Variants in MSMO1 observed in about 807,000 individuals in gnomAD.
The protein encoded by MSMO1 is C-4 methylsterol oxidase.
A neutral mutation model predicts 30.4 loss-of-function variants in MSMO1; 18 were observed. The ratio of observed to expected loss-of-function variants is 0.59; its 90% CI spans 0.41 to 0.88. MSMO1 has a LOEUF of 0.88. Among genes scored for constraint, MSMO1 ranks in the 40% least tolerant of loss-of-function variants. The pLI, the probability that MSMO1 is intolerant of heterozygous loss-of-function variation, is 0.00. For missense variants in MSMO1, 284 were observed against 340.5 expected (o/e 0.83, Z 1.31); for synonymous variants, 84 against 107.9 (o/e 0.78, Z 1.37).
chr4:165,341,955 C>G lies in MSMO1; in HGVS notation c.*9C>G, dbSNP rs777239386. ...AGAAAAAGACTGAATAAATATCTCA[C>G]GTAAACCTTCCTGAAAGATAAACGT... On this transcript the variant is annotated 3_prime_UTR_variant, in exon 6 of 6. Coordinates refer to ENST00000261507, the MANE Select transcript of MSMO1 (RefSeq NM_006745.5). 6.3e-7 allele frequency: 1 copy of G among 1,593,398 alleles called. No homozygotes were observed. Among genetic ancestry groups the G allele is most frequent in the Non-Finnish European group, 8.6e-7 (1 of 1,162,832 alleles).
rs1163551639 is a variant in MSMO1, at chr4:165,337,941, C to T, written c.404+4C>T. On this transcript the variant is annotated splice_donor_region_variant and intron_variant, in intron 3 of 5. Transcript: ENST00000261507. ...ATTGGGAAAGAATGCCAAGATGGTA[C>T]GTAGATAAAAATTTGGCTTTTACAC... is the stretch of plus-strand genomic sequence containing the variant. 3.7e-6 allele frequency: 6 copies of T among 1,612,712 alleles called. No homozygotes were observed. The highest frequency in any genetic ancestry group is 4.5e-5 in the East Asian group (2 of 44,756).
At chr4:165,340,404 A>G (rs1400037321) in intron 5 of MSMO1, 29 bp downstream of exon 5, 2 of 1,568,512 alleles carry the variant, frequency 1.3e-6, no homozygotes, top group African/African-American at 1.4e-5. Flanking sequence ...TCAGGTATAA[A>G]GCATAATGAA....
rs745942800 is a variant in MSMO1, at chr4:165,340,263, ACT to A, written c.577_578del (p.Leu193AsnfsTer15). The A allele has an allele frequency of 6.2e-7, 1 of 1,613,712 alleles. No homozygotes were observed. The highest frequency in any genetic ancestry group is 8.5e-7 in the Non-Finnish European group (1 of 1,179,894). On this transcript the variant is annotated frameshift_variant, in exon 5 of 6. Transcript: ENST00000261507. LOFTEE classifies it high-confidence loss of function. Reference protein sequence around the residue: ...MEAEYAHPLETLILGTGFFIG... With the variant: ...MEAEYAHPLEXLILGTGFFIG... ...AGCTGAATATGCACATCCTTTGGAGACTCTAATTCTTGGAACTGGATTTTTCA... is the reference window on the plus strand; with the variant it reads ...AGCTGAATATGCACATCCTTTGGAGACTAATTCTTGGAACTGGATTTTTCA...
chr4:165,339,614 G>A (rs981694347), intron 4 of MSMO1, among the ~76,000 whole-genome samples: 7 of 152,136 alleles, frequency 4.6e-5, no homozygotes, highest in African/African-American at 1.2e-4. Context: ...GACTTTTGAT[G>A]TGGAGTAAGG....
intron 2 of MSMO1, among the ~76,000 whole-genome samples, chr4:165,335,659 TG>T (rs889289970): frequency 5.3e-4 from 81 of 152,176 alleles, no homozygotes; most frequent in Non-Finnish European, 7.4e-5. Context: ...TAGTAACCTT[TG>T]CAGAGAGACA....
Position 165,340,205 on chromosome 4 carries a change from T to C in MSMO1, c.532-16T>C, listed in dbSNP as rs778187610. On this transcript the variant is annotated splice_polypyrimidine_tract_variant and intron_variant, in intron 4 of 5. Transcript: ENST00000261507. ...AATAGCTAAGAAATTAAGAATTTCTTATCTGTTTGTCTTAGGCTCCATTTG... is the reference window on the plus strand; with the variant it reads ...AATAGCTAAGAAATTAAGAATTTCTCATCTGTTTGTCTTAGGCTCCATTTG... The C allele has an allele frequency of 4.3e-6, 7 of 1,612,338 alleles. No individual in the cohort carries two copies. Among genetic ancestry groups the C allele is most frequent in the Admixed American group, 3.3e-5 (2 of 59,956 alleles).
At position 165,333,506 on chromosome 4, in the gene MSMO1, A is replaced by C. The variant is rs759811587; in HGVS notation, c.136A>C (p.Lys46Gln). The C allele has an allele frequency of 2.2e-5, 36 of 1,613,508 alleles. No homozygotes were observed. The highest frequency in any genetic ancestry group is 4.5e-5 in the East Asian group (2 of 44,800). Reference sequence around the variant, plus strand: ...GAACTATATGTTGAATAATTATACAAAGTTCCAGATTGCAACATGGGGATC... The same window carrying C: ...GAACTATATGTTGAATAATTATACACAGTTCCAGATTGCAACATGGGGATC... ...AWNYMLNNYTKFQIATWGSLI... is the reference protein window; with the variant it reads ...AWNYMLNNYTQFQIATWGSLI... Residue 46 changes from lysine to glutamine, a missense_variant, in exon 2 of 6, where the codon AAG (lysine) becomes CAG (glutamine). Coordinates refer to ENST00000261507, the MANE Select transcript of MSMO1 (RefSeq NM_006745.5).
intron 2 of MSMO1, among the ~76,000 whole-genome samples, chr4:165,337,124 A>T (rs767073251): frequency 1.3e-5 from 2 of 152,220 alleles, no homozygotes; most frequent in Non-Finnish European, 2.9e-5. Flanking sequence ...CAGTCCTATA[A>T]ATTGAATACA....
In MSMO1 at chr4:165,342,303, A is replaced by G. The variant is rs978713268; in HGVS notation, c.*357A>G. On this transcript the variant is annotated 3_prime_UTR_variant, in exon 6 of 6. Transcript: ENST00000261507. The stretch of plus-strand genomic sequence containing the variant: ...CATTGGGTCTTTAAATCTTTTAGAT[A>G]TATACTGGTCATTTCAGAAAATTCT... 2.5e-5 allele frequency: 5 copies of G among 198,412 alleles called. No homozygotes were observed. The highest frequency in any genetic ancestry group is 5.6e-5 in the Admixed American group (1 of 17,858). The allele number at this position is 198,412 out of a possible 1,614,324, so 12.3% of individuals were successfully genotyped here.
intron 5 of MSMO1, 82 bp downstream of exon 5, chr4:165,340,457 G>C (rs7679808): frequency 2.5e-6 from 3 of 1,182,318 alleles, no homozygotes; most frequent in Non-Finnish European, 3.7e-6. Flanking sequence ...TATTTCTAAG[G>C]AGACTAATAG....
Position 165,333,393 on chromosome 4 carries a change from G to T in MSMO1, c.23G>T (p.Ser8Ile). The change falls in exon 2 of 6, where the codon AGC (serine) becomes ATC (isoleucine). Residue 8 changes from serine (S) to isoleucine (I), a missense_variant. Transcript: ENST00000261507. Reference sequence around the variant, plus strand: ...AAAATGGCAACAAATGAAAGTGTCAGCATCTTTAGTTCAGCATCCTTGGCT... The same window carrying T: ...AAAATGGCAACAAATGAAAGTGTCATCATCTTTAGTTCAGCATCCTTGGCT... MATNESV[S>I]IFSSASLAVE... is the part of the protein sequence containing the mutation. The T allele has an allele frequency of 6.2e-7, 1 of 1,611,824 alleles. No homozygotes were observed. Among genetic ancestry groups the T allele is most frequent in the Non-Finnish European group, 8.5e-7 (1 of 1,179,782 alleles).
At chr4:165,331,284 A>G (rs1747381074) in intron 1 of MSMO1, among the ~76,000 whole-genome samples, 1 of 151,904 alleles carries the variant, frequency 6.6e-6, no homozygotes, top group South Asian at 2.1e-4. Context: ...AGCTTGGGTG[A>G]CAGAGTGAGA....
chr4:165,338,776 C>G lies in MSMO1; in HGVS notation c.529C>G (p.Gln177Glu). 1.3e-6 allele frequency: 2 copies of G among 1,585,296 alleles called. No homozygotes were observed. The highest frequency in any genetic ancestry group is 2.2e-5 in the South Asian group (2 of 90,126). ...KYIHKVHHEFQAPFGMEAEYA... is the reference protein window; with the variant it reads ...KYIHKVHHEFEAPFGMEAEYA... Reference sequence around the variant, plus strand: ...TATTCATAAAGTTCATCATGAGTTTCAGGTATGTGAGAGTTATATTTAATT... The same window carrying G: ...TATTCATAAAGTTCATCATGAGTTTGAGGTATGTGAGAGTTATATTTAATT... Residue 177 changes from glutamine to glutamate, a missense_variant and splice_region_variant, in exon 4 of 6, where the codon CAG (glutamine) becomes GAG (glutamate). Physicochemically the swap from Gln to Glu is conservative, Grantham distance 29 (BLOSUM62 2). Transcript: ENST00000261507.
chr4:165,334,898 A>G (rs1435260343), intron 2 of MSMO1, among the ~76,000 whole-genome samples: 2 of 152,204 alleles, frequency 1.3e-5, no homozygotes, highest in Admixed American at 6.5e-5. Context: ...TGTTGTATCC[A>G]TGGATCCAAC....
chr4:165,338,828 T>G (rs756484556), intron 4 of MSMO1, 50 bp downstream of exon 4: 1 of 1,449,624 alleles, frequency 6.9e-7, no homozygotes, highest in South Asian at 1.2e-5. Context: ...AAATGTCTAT[T>G]TTAATTGCCT....
chr4:165,338,313 TATATATATATATATATACACAC>T (rs1442740749), intron 3 of MSMO1, among the ~76,000 whole-genome samples: 1 of 112,090 alleles, frequency 8.9e-6, no homozygotes, highest in Non-Finnish European at 1.7e-5. Flanking sequence ...TGTGTATATA[TATATATATATATATATACACAC>T]ATATATATAT....
chr4:165,337,380 A>G (rs1747583491), intron 2 of MSMO1, among the ~76,000 whole-genome samples: 1 of 152,218 alleles, frequency 6.6e-6, no homozygotes. Context: ...AGTGCCTGGA[A>G]GCATCGACTT....
intron 2 of MSMO1, among the ~76,000 whole-genome samples, chr4:165,335,431 A>G (rs1479136422): frequency 6.6e-6 from 1 of 152,226 alleles, no homozygotes; most frequent in African/African-American, 2.4e-5. Flanking sequence ...AGGTCACAGA[A>G]GCTCCAAAGT....
At position 165,341,518 on chromosome 4, in the gene MSMO1, T is replaced by C. The variant is rs367633591; in HGVS notation, c.687-233T>C. On this transcript the variant is annotated intron_variant, in intron 5 of 5. Coordinates refer to ENST00000261507, the MANE Select transcript of MSMO1 (RefSeq NM_006745.5). ...CGTCTCTTCCATCATTCATATATTT[T>C]ATCATAAAATAAATGATTTTCTTAG... Among the ~76,000 whole-genome samples the C allele has an allele frequency of 4.2e-4, 64 of 152,208 alleles. 1 individual carries two copies. The South Asian group carries it at 0.013, about 31-fold the overall frequency.
Sources: allele counts gnomAD v4.1 joint callset (sites outside exome capture counted in the v4.1 genomes callset), GRCh38; gene constraint gnomAD v4.1.1; transcripts MANE v1.5; gene names NCBI Gene and HGNC (gene_info 2026-07-23, HGNC 2026-07-21).